The following ANKRD20A1 variants were observed in gnomAD, a reference collection of about 807,000 sequenced individuals.
ANKRD20A1 encodes the protein ankyrin repeat domain-containing protein 20A1.
ANKRD20A1 carries 2 observed loss-of-function variants against 50.9 expected under a neutral mutation model. The observed-to-expected ratio is 0.04, with a 90% CI of 0.02 to 0.12. ANKRD20A1 has a LOEUF of 0.12. Ranked by LOEUF, ANKRD20A1 falls within the 10% of genes least tolerant of loss-of-function variation. ANKRD20A1 has a pLI of 1.00. For synonymous variants in ANKRD20A1, 10 were observed against 186.2 expected (o/e 0.05, Z 7.70); for missense variants, 31 against 548.1 (o/e 0.06, Z 9.42).
At chr9:67,864,658 CAA>C (rs1287153657) in intron 3 of ANKRD20A1, among the ~76,000 whole-genome samples, 1 of 14,588 alleles carries the variant, frequency 6.9e-5, no homozygotes, top group Non-Finnish European at 1.2e-4. Context: ...CAATAATAGC[CAA>C]AAAAAAAAAA....
chr9:67,867,849 T>G (rs28433070), intron 4 of ANKRD20A1, among the ~76,000 whole-genome samples: 41,905 of 77,092 alleles, frequency 0.54, 7,745 homozygotes, highest in East Asian at 0.74. Flanking sequence ...AGTAGAGATG[T>G]GATTTCACCA....
chr9:67,885,862 A>AT (rs1426643263), intron 9 of ANKRD20A1, among the ~76,000 whole-genome samples: 2 of 151,856 alleles, frequency 1.3e-5, no homozygotes, highest in Non-Finnish European at 2.9e-5. Flanking sequence ...TAGCAAGGGA[A>AT]TAGCCTTCCT....
At chr9:67,867,043 T>C (rs1827580457) in intron 3 of ANKRD20A1, among the ~76,000 whole-genome samples, 1 of 28,314 alleles carries the variant, frequency 3.5e-5, no homozygotes, top group Non-Finnish European at 7.2e-5. Context: ...AGTAAATGTT[T>C]AAAGTGAGTT....
intron 8 of ANKRD20A1, among the ~76,000 whole-genome samples, chr9:67,882,995 C>T (rs2131556902): frequency 6.6e-6 from 1 of 151,144 alleles, no homozygotes; most frequent in Non-Finnish European, 1.5e-5. Flanking sequence ...CATAGTATTC[C>T]ATGGTGTATA....
intron 4 of ANKRD20A1, among the ~76,000 whole-genome samples, chr9:67,868,031 T>G (rs2131550334): frequency 7.8e-6 from 1 of 128,924 alleles, no homozygotes; most frequent in Admixed American, 9.4e-5. Flanking sequence ...TTGTTGTTGT[T>G]GTTGTTTTCA....
intron 11 of ANKRD20A1, 21 bp downstream of exon 11, chr9:67,887,489 G>A: frequency 2.1e-6 from 1 of 477,018 alleles, no homozygotes. Flanking sequence ...TGGAATACTG[G>A]AAATAAGTAC....
intron 6 of ANKRD20A1, among the ~76,000 whole-genome samples, chr9:67,874,966 C>CATTT (rs376495752): frequency 0.1 from 652 of 6,328 alleles, 169 homozygotes; most frequent in Non-Finnish European, 0.29. Context: ...TGCCCCCAGC[C>CATTT]ATTTATTTAT....
At chr9:67,872,628 C>T (rs1261605631) in intron 6 of ANKRD20A1, among the ~76,000 whole-genome samples, 1 of 139,030 alleles carries the variant, frequency 7.2e-6, no homozygotes, top group East Asian at 2.2e-4. Context: ...ATTCAATAGT[C>T]ATATGTTTTT....
intron 3 of ANKRD20A1, among the ~76,000 whole-genome samples, chr9:67,865,010 T>C (rs1328693817): frequency 3.3e-5 from 4 of 122,332 alleles, no homozygotes; most frequent in Admixed American, 2.5e-4. Context: ...AATCTTTCAA[T>C]AGGTAGAGGC....
chr9:67,896,449 G>A (rs1477471541), intron 12 of ANKRD20A1, among the ~76,000 whole-genome samples: 1 of 91,100 alleles, frequency 1.1e-5, no homozygotes, highest in Non-Finnish European at 2.5e-5. Flanking sequence ...ACGTTATGTT[G>A]TTTAATAAAG....
chr9:67,900,408 C>T lies in ANKRD20A1; in HGVS notation c.1498-85C>T, dbSNP rs1486750167. Reference sequence around the variant, plus strand: ...ACTTATGGTAAACTTTTTAGTGGTACGGATGTGCAGGTTATTCTTTAACTT... The same window carrying T: ...ACTTATGGTAAACTTTTTAGTGGTATGGATGTGCAGGTTATTCTTTAACTT... On this transcript the variant is annotated intron_variant, in intron 14 of 14. Coordinates refer to ENST00000562196, the MANE Select transcript of ANKRD20A1 (RefSeq NM_032250.5). 12 of 520,852 alleles carry T rather than the reference C, an allele frequency of 2.3e-5. 2 individuals are homozygous for T. The highest frequency in any genetic ancestry group is 2.6e-5 in the South Asian group (1 of 37,816). 32.3% of individuals were successfully genotyped at this position (520,852 alleles called of 1,614,324 possible).
At chr9:67,882,124 G>A (rs1478143534) in intron 8 of ANKRD20A1, among the ~76,000 whole-genome samples, 1 of 145,656 alleles carries the variant, frequency 6.9e-6, no homozygotes, top group Non-Finnish European at 1.5e-5. Context: ...AAACAATAGA[G>A]CTATGTCACC....
At chr9:67,876,398 T>C (rs1827728243) in intron 6 of ANKRD20A1, among the ~76,000 whole-genome samples, 1 of 129,330 alleles carries the variant, frequency 7.7e-6, no homozygotes, top group South Asian at 2.9e-4. Flanking sequence ...TTTCTTTCTA[T>C]ATATTTTTCA....
At position 67,865,525 on chromosome 9, in the gene ANKRD20A1, T is replaced by TA. The variant is rs1269003541; in HGVS notation, c.493-1744dup. Among the ~76,000 whole-genome samples the TA allele has an allele frequency of 3.4e-3, 498 of 146,656 alleles. 1 individual carries two copies. Among genetic ancestry groups the TA allele is most frequent in the Non-Finnish European group, 5.1e-3 (341 of 66,814 alleles). On this transcript the variant is annotated intron_variant, in intron 3 of 14. Transcript: ENST00000562196. ...TTTAGTAACACATTAATAGCGAATA[T>TA]AAAAAAAACAAGGGCTATATTCTAA...
intron 6 of ANKRD20A1, among the ~76,000 whole-genome samples, chr9:67,872,213 TAGG>T (rs1827660428): frequency 2.2e-5 from 2 of 90,720 alleles, no homozygotes; most frequent in South Asian, 8.8e-4. Context: ...CCCATACAAA[TAGG>T]AGATTATTTT....
At chr9:67,868,835 G>C (rs1386779816) in intron 5 of ANKRD20A1, among the ~76,000 whole-genome samples, 1 of 61,580 alleles carries the variant, frequency 1.6e-5, no homozygotes, top group African/African-American at 4.9e-5. Flanking sequence ...CCATGCATGG[G>C]ATAAAAAGAG....
chr9:67,867,078 G>T (rs1173190944), intron 3 of ANKRD20A1, among the ~76,000 whole-genome samples, 199 bp from the exon 4 acceptor site: 1 of 38,278 alleles, frequency 2.6e-5, no homozygotes, highest in Non-Finnish European at 5.3e-5. Flanking sequence ...AGTTAATCCG[G>T]GGAGACAGAG....
chr9:67,871,607 C>A (rs1366255533), intron 6 of ANKRD20A1, among the ~76,000 whole-genome samples: 1 of 137,058 alleles, frequency 7.3e-6, no homozygotes, highest in African/African-American at 2.7e-5. Context: ...ACAAATGGAT[C>A]TTCGATTTCA....
intron 8 of ANKRD20A1, among the ~76,000 whole-genome samples, chr9:67,881,600 C>G (rs1301961728): frequency 2.0e-5 from 3 of 152,266 alleles, no homozygotes; most frequent in African/African-American, 7.2e-5. Flanking sequence ...AACCCTGTCT[C>G]TAAAAAAAAC....
Sources: gnomAD v4.1 joint callset for allele counts (sites outside exome capture counted in the v4.1 genomes callset) on GRCh38, gnomAD v4.1.1 for gene constraint, MANE v1.5 for transcripts, NCBI Gene and HGNC (gene_info 2026-07-23, HGNC 2026-07-21) for gene names.